The following FAM219A variants were observed in gnomAD, a reference collection of about 807,000 sequenced individuals.
The protein encoded by FAM219A is family with sequence similarity 219 member A, also known as protein FAM219A.
FAM219A carries 7 observed loss-of-function variants against 23.4 expected under a neutral mutation model. The observed-to-expected ratio is 0.30, with a 90% CI of 0.17 to 0.56. The LOEUF is 0.56. FAM219A is among the 20% of genes least tolerant of loss of function. FAM219A has a pLI of 0.92. For missense variants in FAM219A, 166 were observed against 246.9 expected, an observed-to-expected ratio of 0.67 and a Z score of 2.20; for synonymous variants, 93 against 99.0, an observed-to-expected ratio of 0.94 and a Z score of 0.36.
At chr9:34,416,808 A>ATGTTTG (rs60995496) in intron 1 of FAM219A, among the ~76,000 whole-genome samples, 2 of 113,640 alleles carry the variant, frequency 1.8e-5, no homozygotes, top group Non-Finnish European at 3.5e-5. Context: ...TCAGCTCTCC[A>ATGTTTG]TTTTTTTTTT....
chr9:34,405,987 CAG>C (rs1165045139), intron 1 of FAM219A, 23 bp from the exon 2 acceptor site: 2 of 1,593,978 alleles, frequency 1.3e-6, no homozygotes, highest in African/African-American at 1.3e-5. Context: ...AGCAGTAAGA[CAG>C]AGAGTTGTTA....
chr9:34,439,206 G>T (rs924566113), intron 1 of FAM219A, among the ~76,000 whole-genome samples: 1 of 152,204 alleles, frequency 6.6e-6, no homozygotes, highest in Non-Finnish European at 1.5e-5. Context: ...TCACCGCGAG[G>T]GTCCGCGGCT....
At chr9:34,419,871 A>G (rs1269343695) in intron 1 of FAM219A, among the ~76,000 whole-genome samples, 5 of 152,146 alleles carry the variant, frequency 3.3e-5, no homozygotes, top group African/African-American at 1.2e-4. Context: ...GCAATGGACA[A>G]TGGACTTGGA....
intron 1 of FAM219A, among the ~76,000 whole-genome samples, chr9:34,434,361 C>A (rs957192371): frequency 3.3e-5 from 5 of 152,046 alleles, no homozygotes; most frequent in Non-Finnish European, 7.4e-5. Context: ...AGGTTAAATT[C>A]AGAAAATATA....
chr9:34,433,373 C>T (rs1048894086), intron 1 of FAM219A, among the ~76,000 whole-genome samples: 5 of 152,156 alleles, frequency 3.3e-5, no homozygotes, highest in African/African-American at 1.2e-4. Context: ...TAATGTTTAT[C>T]TTTAAAAAAA....
chr9:34,431,206 G>C (rs540779161), intron 1 of FAM219A, among the ~76,000 whole-genome samples: 22 of 152,340 alleles, frequency 1.4e-4, no homozygotes, highest in African/African-American at 5.3e-4. Context: ...CTTGGTGTGT[G>C]TGTGAAAAAA....
chr9:34,417,473 T>C lies in FAM219A; in HGVS notation c.61-11509A>G, dbSNP rs1229962021. 6.6e-6 allele frequency among the ~76,000 whole-genome samples: 1 copy of C among 152,248 alleles called. No individual in the cohort carries two copies. The highest frequency in any genetic ancestry group is 1.5e-5 in the Non-Finnish European group (1 of 68,042). On this transcript the variant is annotated intron_variant, in intron 1 of 5. Coordinates refer to ENST00000651358, the MANE Select transcript of FAM219A (RefSeq NM_001184940.2). The surrounding 1 kb of genome is among the most constrained non-coding windows in gnomAD (Gnocchi z 4.1). ...TTTGACATTCAGGTTGTTTGCAACT[T>C]TTCACTATTATAGATAATGCTACAC...
chr9:34,448,987 A>C (rs1823464123), intron 1 of FAM219A, among the ~76,000 whole-genome samples: 1 of 128,532 alleles, frequency 7.8e-6, no homozygotes, highest in Admixed American at 8.2e-5. Flanking sequence ...TTCCCCAAAA[A>C]CTATCGGAAA....
intron 1 of FAM219A, among the ~76,000 whole-genome samples, chr9:34,440,950 A>G (rs1823148680): frequency 6.6e-6 from 1 of 152,104 alleles, no homozygotes; most frequent in Non-Finnish European, 1.5e-5. Flanking sequence ...TAGCACTTAG[A>G]GCCTTTAACT....
chr9:34,441,006 T>G (rs1300226732), intron 1 of FAM219A, among the ~76,000 whole-genome samples: 2 of 152,084 alleles, frequency 1.3e-5, no homozygotes, highest in Non-Finnish European at 2.9e-5. Flanking sequence ...TAGCTGGGAC[T>G]CCAGGCTTAA....
At chr9:34,448,292 T>C (rs1365256714) in intron 1 of FAM219A, among the ~76,000 whole-genome samples, 1 of 152,194 alleles carries the variant, frequency 6.6e-6, no homozygotes. Context: ...AAGATAACTA[T>C]GATGATTCAG....
Position 34,400,874 on chromosome 9 carries a change from G to T in FAM219A, c.*90C>A. Reference sequence around the variant, plus strand: ...CGGCTGTAGGGGCGCGGGGCCGGGGGCAGGCAGACGAGCTGGGAAGGGGTC... The same window carrying T: ...CGGCTGTAGGGGCGCGGGGCCGGGGTCAGGCAGACGAGCTGGGAAGGGGTC... On this transcript the variant is annotated 3_prime_UTR_variant, in exon 6 of 6. Transcript: ENST00000651358. 7.4e-7 allele frequency: 1 copy of T among 1,345,346 alleles called. No homozygotes were observed. The highest frequency in any genetic ancestry group is 9.8e-7 in the Non-Finnish European group (1 of 1,023,240). The allele number at this position is 1,345,346 out of a possible 1,614,324, so 83.3% of individuals were successfully genotyped here. A position where few individuals can be genotyped will look rare whatever the true frequency, so the allele number is the denominator to read the frequency against.
In FAM219A at chr9:34,419,051, G is replaced by A. The variant is rs532543284; in HGVS notation, c.61-13087C>T. Among the ~76,000 whole-genome samples, 25 of 151,938 alleles carry A rather than the reference G, an allele frequency of 1.6e-4. No homozygotes were observed. In the East Asian group the frequency reaches 4.6e-3, roughly 28 times the overall value. On this transcript the variant is annotated intron_variant, in intron 1 of 5. Transcript: ENST00000651358. ...GATTGCACCACTGCACTCCAACTTGGGTGATAGAGCAAGACTCTGTCTCAA... is the reference window on the plus strand; with the variant it reads ...GATTGCACCACTGCACTCCAACTTGAGTGATAGAGCAAGACTCTGTCTCAA...
chr9:34,455,026 A>T, intron 1 of FAM219A, among the ~76,000 whole-genome samples: 1 of 152,178 alleles, frequency 6.6e-6, no homozygotes, highest in Non-Finnish European at 1.5e-5. Flanking sequence ...TCAGTGGAGG[A>T]TCACACTAAG....
At chr9:34,402,590 TGTC>T in intron 3 of FAM219A, 112 bp downstream of exon 3, 1 of 1,548,036 alleles carries the variant, frequency 6.5e-7, no homozygotes, top group Non-Finnish European at 8.8e-7. Flanking sequence ...CTGTTAAGGC[TGTC>T]TCCTCTCAGA....
Position 34,458,063 on chromosome 9 carries a change from GT to G in FAM219A, c.60+140del. 1 of 762,590 alleles carries G rather than the reference GT, an allele frequency of 1.3e-6. No individual in the cohort carries two copies. Among genetic ancestry groups the G allele is most frequent in the Non-Finnish European group, 1.9e-6 (1 of 523,086 alleles). The allele number at this position is 762,590 out of a possible 1,614,324, so 47.2% of individuals were successfully genotyped here. ...CGGTTTTCTTGTCCTGCAAGTCCCC[GT>G]CCCCCGGCAATACGTTTTCAGGGAT... On this transcript the variant is annotated intron_variant, in intron 1 of 5. Transcript: ENST00000651358. The surrounding 1 kb of genome is among the most constrained non-coding windows in gnomAD (Gnocchi z 6.6).
chr9:34,445,554 G>A (rs1242836636), intron 1 of FAM219A, among the ~76,000 whole-genome samples: 1 of 152,204 alleles, frequency 6.6e-6, no homozygotes, highest in East Asian at 1.9e-4. Flanking sequence ...GTGAAAGAAG[G>A]TGAAGGACAT....
At chr9:34,422,676 A>G (rs182196053) in intron 1 of FAM219A, among the ~76,000 whole-genome samples, 96 of 152,350 alleles carry the variant, frequency 6.3e-4, no homozygotes, top group African/African-American at 2.3e-3. Flanking sequence ...TCGATAGCTC[A>G]AGATGGAGAG....
chr9:34,445,033 A>C (rs1373828780), intron 1 of FAM219A, among the ~76,000 whole-genome samples: 1 of 152,164 alleles, frequency 6.6e-6, no homozygotes, highest in Non-Finnish European at 1.5e-5. Context: ...TTGAATAATG[A>C]ATGAATGTCC....
Sources: gnomAD v4.1 joint callset for allele counts (sites outside exome capture counted in the v4.1 genomes callset) on GRCh38, gnomAD v4.1.1 for gene constraint, Gnocchi (gnomAD v3.1) non-coding constraint, MANE v1.5 for transcripts, NCBI Gene and HGNC (gene_info 2026-07-23, HGNC 2026-07-21) for gene names.